DNAH11: variants seen among roughly 807,000 people sequenced by gnomAD.
The protein encoded by DNAH11 is axonemal beta dynein heavy chain 11.
A neutral mutation model predicts 526.0 loss-of-function variants in DNAH11; 442 were observed. That is an observed-to-expected ratio of 0.84 (90% confidence interval 0.78 to 0.91). The LOEUF is 0.91. DNAH11 is among the 40% of genes least tolerant of loss of function. The pLI, the probability that DNAH11 is intolerant of heterozygous loss-of-function variation, is 0.00. For synonymous variants in DNAH11, 2,461 were observed against 1,935.9 expected, an observed-to-expected ratio of 1.27 and a Z score of -7.12; for missense variants, 6,989 against 5,448.7, an observed-to-expected ratio of 1.28 and a Z score of -8.90.
intron 28 of DNAH11, among the ~76,000 whole-genome samples, chr7:21,641,877 G>T (rs1037010684): frequency 2.0e-5 from 3 of 152,066 alleles, no homozygotes; most frequent in African/African-American, 7.2e-5. Context: ...CCTCCTTAAT[G>T]AATGACTAGA....
Position 21,747,131 on chromosome 7 carries a change from A to G in DNAH11, c.8511-1449A>G, listed in dbSNP as rs896290541. ...GAATCTTGTGAGGTTAAAAGCCTCA[A>G]AGCATACATTAAAATGAAATGAAAA... is the stretch of plus-strand genomic sequence containing the variant. On this transcript the variant is annotated intron_variant, in intron 51 of 81. Coordinates refer to ENST00000409508, the MANE Select transcript of DNAH11 (RefSeq NM_001277115.2). 4.6e-5 allele frequency among the ~76,000 whole-genome samples: 7 copies of G among 152,202 alleles called. 1 individual carries two copies. The highest frequency in any genetic ancestry group is 1.7e-4 in the African/African-American group (7 of 41,450).
chr7:21,839,398 C>A (rs1782117997), intron 65 of DNAH11, among the ~76,000 whole-genome samples: 1 of 151,928 alleles, frequency 6.6e-6, no homozygotes, highest in Non-Finnish European at 1.5e-5. Context: ...CATGGTGAAA[C>A]CCTGTCTCTA....
chr7:21,602,377 A>G (rs1208614668), intron 18 of DNAH11, among the ~76,000 whole-genome samples: 1 of 152,134 alleles, frequency 6.6e-6, no homozygotes, highest in Non-Finnish European at 1.5e-5. Flanking sequence ...ATGAAACTCA[A>G]TTTGGATGGG....
chr7:21,750,835 G>A (rs867524601), intron 54 of DNAH11, among the ~76,000 whole-genome samples: 3 of 152,098 alleles, frequency 2.0e-5, no homozygotes, highest in Non-Finnish European at 4.4e-5. Context: ...TGCACGGTAC[G>A]GATTTGCAGA....
chr7:21,777,069 C>G (rs1787704647), intron 56 of DNAH11, among the ~76,000 whole-genome samples: 1 of 152,062 alleles, frequency 6.6e-6, no homozygotes, highest in Non-Finnish European at 1.5e-5. Context: ...ATTTTATAAC[C>G]ACACCTACGT....
In DNAH11 at chr7:21,761,336, C is replaced by T. The variant is rs571005708; in HGVS notation, c.8941-4092C>T. Among the ~76,000 whole-genome samples the T allele has an allele frequency of 3.1e-4, 47 of 152,250 alleles. 1 individual carries two copies. In the South Asian group the frequency reaches 8.9e-3, roughly 29 times the overall value. ...GAATTACTAATGAACAAGTATATGT[C>T]TATAATTTAATTCCCAGAGTCTGGT... On this transcript the variant is annotated intron_variant, in intron 54 of 81. Transcript: ENST00000409508.
intron 65 of DNAH11, among the ~76,000 whole-genome samples, chr7:21,824,586 G>A (rs997657418): frequency 6.6e-6 from 1 of 152,038 alleles, no homozygotes; most frequent in African/African-American, 2.4e-5. Flanking sequence ...ACTACAAATA[G>A]TCAATAAGCA....
intron 66 of DNAH11, among the ~76,000 whole-genome samples, chr7:21,850,589 G>A (rs983605863): frequency 7.1e-6 from 1 of 141,730 alleles, no homozygotes; most frequent in Non-Finnish European, 1.5e-5. Context: ...TTGTCCTGAG[G>A]TTTGCGTTCT....
Position 21,619,843 on chromosome 7 carries a change from A to G in DNAH11, c.4378-113A>G, listed in dbSNP as rs983352583. ...GGAGGAAAAAACTCAAGCCAATAAT[A>G]CTTGATATCAGTTTGCATTTTTGAA... is the stretch of plus-strand genomic sequence containing the variant. On this transcript the variant is annotated intron_variant, in intron 24 of 81. Transcript: ENST00000409508. The G allele has an allele frequency of 3.9e-5, 39 of 995,112 alleles. No homozygotes were observed. In the African/African-American group the frequency reaches 6.4e-4, roughly 16 times the overall value. 61.6% of individuals were successfully genotyped at this position (995,112 alleles called of 1,614,324 possible).
rs10499531 is a variant in DNAH11 at position 21,601,651 on chromosome 7, A to G, written c.3648+33A>G. On this transcript the variant is annotated intron_variant, in intron 18 of 81. Transcript: ENST00000409508. ...CAGAGGTGAAATAATCATAATTACCATAAATTGAGCATCTCTTTTATTAAA... is the reference window on the plus strand; with the variant it reads ...CAGAGGTGAAATAATCATAATTACCGTAAATTGAGCATCTCTTTTATTAAA... The G allele has an allele frequency of 0.15, 210,747 of 1,452,050 alleles. 16,167 individuals are homozygous for G. The highest frequency in any genetic ancestry group is 0.17 in the Middle Eastern group (933 of 5,574). 89.9% of individuals were successfully genotyped at this position (1,452,050 alleles called of 1,614,324 possible). A position where few individuals can be genotyped will look rare whatever the true frequency, so the allele number is the denominator to read the frequency against.
intron 1 of DNAH11, 106 bp from the exon 2 acceptor site, chr7:21,544,900 C>G (rs1206723166): frequency 1.1e-6 from 1 of 921,958 alleles, no homozygotes; most frequent in Non-Finnish European, 1.6e-6. Context: ...AGGCAAGATG[C>G]CAGGTTTTGT....
At chr7:21,662,483 A>T (rs534597656) in intron 30 of DNAH11, among the ~76,000 whole-genome samples, 28 of 152,242 alleles carry the variant, frequency 1.8e-4, no homozygotes, top group African/African-American at 6.5e-4. Flanking sequence ...TTAAAATTTT[A>T]AATTTTAATT....
Position 21,749,738 on chromosome 7 carries a change from C to CAGCA in DNAH11, c.8734_8735insAGCA (p.Leu2912GlnfsTer10). ...CAAGAACATGCCCACTGTGTTCCTGCTGACAGATGCCCAGGTTCTAGATGA... is the reference window on the plus strand; with the variant it reads ...CAAGAACATGCCCACTGTGTTCCTGCAGCATGACAGATGCCCAGGTTCTAGATGA... On this transcript the variant is annotated frameshift_variant, in exon 53 of 82. Coordinates refer to ENST00000409508, the MANE Select transcript of DNAH11 (RefSeq NM_001277115.2). LOFTEE classifies it high-confidence loss of function. 1.2e-6 allele frequency: 2 copies of CAGCA among 1,613,992 alleles called. No individual in the cohort carries two copies. The highest frequency in any genetic ancestry group is 2.2e-5 in the South Asian group (2 of 91,078).
intron 30 of DNAH11, among the ~76,000 whole-genome samples, chr7:21,660,204 C>G (rs1782187322): frequency 1.3e-5 from 2 of 151,840 alleles, no homozygotes; most frequent in Non-Finnish European, 2.9e-5. Context: ...TTCTGCTATG[C>G]CTTTCTTATA....
At chr7:21,696,793 A>C (rs1051804213) in intron 35 of DNAH11, among the ~76,000 whole-genome samples, 3 of 152,192 alleles carry the variant, frequency 2.0e-5, no homozygotes, top group African/African-American at 7.2e-5. Flanking sequence ...CTGTAAAATG[A>C]AGATAAGAGG....
At chr7:21,863,143 A>G (rs1418197577) in intron 69 of DNAH11, among the ~76,000 whole-genome samples, 6 of 151,986 alleles carry the variant, frequency 3.9e-5, no homozygotes, top group Admixed American at 6.6e-5. Context: ...ACATTCCTAG[A>G]TAAAATAAGC....
rs58058317 is a variant in DNAH11 at position 21,848,166 on chromosome 7, C to CAAAAAAAA, written c.10897-4291_10897-4284dup. On this transcript the variant is annotated intron_variant, in intron 66 of 81. Coordinates refer to ENST00000409508, the MANE Select transcript of DNAH11 (RefSeq NM_001277115.2). ...TGGGTGATAGAGCGAGACTCTGTTT[C>CAAAAAAAA]AAAAAAAAAAAAAAAAAGATTATTA... is the stretch of plus-strand genomic sequence containing the variant. Among the ~76,000 whole-genome samples, 52 of 89,004 alleles carry CAAAAAAAA rather than the reference C, an allele frequency of 5.8e-4. 1 individual carries two copies. Among genetic ancestry groups the CAAAAAAAA allele is most frequent in the Middle Eastern group, 5.7e-3 (1 of 176 alleles). 58.4% of individuals were successfully genotyped at this position (89,004 alleles called of 152,430 possible).
intron 63 of DNAH11, among the ~76,000 whole-genome samples, chr7:21,814,515 C>A (rs1446831223): frequency 1.7e-5 from 2 of 114,352 alleles, no homozygotes; most frequent in South Asian, 7.2e-4. Flanking sequence ...TCCCTCCCCC[C>A]TCCCCCCACC....
intron 11 of DNAH11, 124 bp downstream of exon 11, chr7:21,588,760 T>G (rs1461775116): frequency 8.5e-7 from 1 of 1,180,626 alleles, no homozygotes; most frequent in East Asian, 2.4e-5. Context: ...CTCTCACTGG[T>G]TGGGTTTGTG....
Sources: gnomAD v4.1 joint callset for allele counts (sites outside exome capture counted in the v4.1 genomes callset) on GRCh38, gnomAD v4.1.1 for gene constraint, MANE v1.5 for transcripts, NCBI Gene and HGNC (gene_info 2026-07-23, HGNC 2026-07-21) for gene names.